The following SORCS2 variants were observed in gnomAD, a reference collection of about 807,000 sequenced individuals.
The protein encoded by SORCS2 is VPS10 domain-containing receptor SorCS2.
In SORCS2, 100 loss-of-function variants were observed where a neutral mutation model predicts 141.6. That is an observed-to-expected ratio of 0.71 (90% CI 0.60 to 0.83). The LOEUF (loss-of-function observed/expected upper bound fraction) is 0.83, where lower values mean the gene tolerates loss of function less well. Ranked by LOEUF, SORCS2 falls within the 40% of genes least tolerant of loss-of-function variation. The probability of loss-of-function intolerance (pLI) is 0.00; values close to 1 mark genes in which losing one functional copy is unlikely to be tolerated. For missense variants in SORCS2, 1,646 were observed against 1,560.2 expected (o/e 1.05, Z -0.93); for synonymous variants, 789 against 676.9 (o/e 1.17, Z -2.57).
In SORCS2 at chr4:7,394,182, G is replaced by A. The variant is rs897183051; in HGVS notation, c.481-2106G>A. Among the ~76,000 whole-genome samples, 5 of 152,208 alleles carry A rather than the reference G, an allele frequency of 3.3e-5. No homozygotes were observed. The South Asian group carries it at 1.0e-3, about 32-fold the overall frequency. ...GGAAGGAGTGCGGTGGTGGTGGGGA[G>A]GTGGGCACTGGCCTCTGCCCGACTT... is the stretch of plus-strand genomic sequence containing the variant. On this transcript the variant is annotated intron_variant, in intron 1 of 26. Coordinates refer to ENST00000507866, the MANE Select transcript of SORCS2 (RefSeq NM_020777.3).
At chr4:7,244,925 C>T (rs1372079076) in intron 1 of SORCS2, among the ~76,000 whole-genome samples, 1 of 152,204 alleles carries the variant, frequency 6.6e-6, no homozygotes, top group African/African-American at 2.4e-5. Context: ...CCCGCCGCCC[C>T]TTCCTTGGCC....
chr4:7,740,398 C>T lies in SORCS2; in HGVS notation c.*134C>T. 2 of 774,072 alleles carry T rather than the reference C, an allele frequency of 2.6e-6. No homozygotes were observed. Among genetic ancestry groups the T allele is most frequent in the East Asian group, 2.7e-5 (1 of 36,886 alleles). 48.0% of individuals were successfully genotyped at this position (774,072 alleles called of 1,614,324 possible). A position where few individuals can be genotyped will look rare whatever the true frequency, so the allele number is the denominator to read the frequency against. On this transcript the variant is annotated 3_prime_UTR_variant, in exon 27 of 27. Transcript: ENST00000507866. ...TCGTCGCCACACCAGGCGACAGGCA[C>T]CACCCCCTCTGATAAATCCAAGCCC...
intron 3 of SORCS2, among the ~76,000 whole-genome samples, chr4:7,629,825 C>G (rs1206289869): frequency 6.6e-6 from 1 of 152,110 alleles, no homozygotes; most frequent in Non-Finnish European, 1.5e-5. Context: ...TCAGCTTCAT[C>G]TCCCCCAAAC....
chr4:7,736,377 G>A (rs868150029), intron 25 of SORCS2, among the ~76,000 whole-genome samples: 1 of 152,200 alleles, frequency 6.6e-6, no homozygotes, highest in Non-Finnish European at 1.5e-5. Context: ...ACCCCATCCT[G>A]CCGTTAAAAT....
At position 7,646,081 on chromosome 4, in the gene SORCS2, C is replaced by T. The variant is rs182401280; in HGVS notation, c.813+7589C>T. Among the ~76,000 whole-genome samples the T allele has an allele frequency of 1.7e-3, 255 of 152,374 alleles. 1 individual carries two copies. The highest frequency in any genetic ancestry group is 3.1e-3 in the Admixed American group (47 of 15,312). On this transcript the variant is annotated intron_variant, in intron 4 of 26. Transcript: ENST00000507866. ...TTGCGCACCCGGCAGCCACGGATTC[C>T]GGGCTACCGCTGGTGCCGCAGGTGA... is the stretch of plus-strand genomic sequence containing the variant.
At chr4:7,215,275 C>T (rs1728268958) in intron 1 of SORCS2, among the ~76,000 whole-genome samples, 1 of 152,228 alleles carries the variant, frequency 6.6e-6, no homozygotes, top group Non-Finnish European at 1.5e-5. Context: ...GCACCCGGGC[C>T]AGCGGCTGTG....
intron 1 of SORCS2, among the ~76,000 whole-genome samples, chr4:7,223,409 G>C (rs976385691): frequency 1.3e-5 from 2 of 152,140 alleles, no homozygotes; most frequent in Non-Finnish European, 2.9e-5. Context: ...GGAAAGGACA[G>C]GTGGCCACAC....
At chr4:7,537,033 G>T (rs1712188990) in intron 3 of SORCS2, among the ~76,000 whole-genome samples, 1 of 152,188 alleles carries the variant, frequency 6.6e-6, no homozygotes, top group Admixed American at 6.5e-5. Flanking sequence ...CATGCTCCGG[G>T]CTCCTGAGGC....
intron 8 of SORCS2, among the ~76,000 whole-genome samples, chr4:7,673,130 A>G (rs1449255975): frequency 6.6e-6 from 1 of 152,228 alleles, no homozygotes; most frequent in Admixed American, 6.5e-5. Flanking sequence ...ATTGCCTGTT[A>G]TTTATAACTC....
At chr4:7,337,886 C>T (rs1447742406) in intron 1 of SORCS2, among the ~76,000 whole-genome samples, 2 of 152,190 alleles carry the variant, frequency 1.3e-5, no homozygotes, top group African/African-American at 2.4e-5. Flanking sequence ...CATGCTCCCA[C>T]ATGCTGCCCC....
At position 7,306,968 on chromosome 4, in the gene SORCS2, G is replaced by A. The variant is rs544396772; in HGVS notation, c.481-89320G>A. Reference sequence around the variant, plus strand: ...TTGACAAAGAAGGGTCTCCCCTGCCGTGTGTCCCGGAGCTGATTCGGTGCC... The same window carrying A: ...TTGACAAAGAAGGGTCTCCCCTGCCATGTGTCCCGGAGCTGATTCGGTGCC... On this transcript the variant is annotated intron_variant, in intron 1 of 26. Transcript: ENST00000507866. 5.3e-5 allele frequency among the ~76,000 whole-genome samples: 8 copies of A among 152,212 alleles called. 1 individual carries two copies. The South Asian group carries it at 1.0e-3, about 20-fold the overall frequency.
intron 2 of SORCS2, among the ~76,000 whole-genome samples, chr4:7,500,719 G>A (rs559626327): frequency 1.3e-5 from 2 of 152,140 alleles, no homozygotes; most frequent in Admixed American, 6.5e-5. Flanking sequence ...TACATCGCAC[G>A]TCGTCCAAGA....
intron 2 of SORCS2, among the ~76,000 whole-genome samples, chr4:7,478,543 C>T (rs1231547526): frequency 1.3e-5 from 2 of 152,150 alleles, no homozygotes; most frequent in Non-Finnish European, 2.9e-5. Context: ...TCATGTTCTC[C>T]GCTGAGTCTC....
chr4:7,382,481 C>T (rs909779323), intron 1 of SORCS2, among the ~76,000 whole-genome samples: 16 of 152,160 alleles, frequency 1.1e-4, no homozygotes, highest in Non-Finnish European at 1.5e-5. Flanking sequence ...GAGTTTGAAG[C>T]TGATTGCCAG....
At chr4:7,496,448 C>CCTGTTCT in intron 2 of SORCS2, among the ~76,000 whole-genome samples, 1 of 73,052 alleles carries the variant, frequency 1.4e-5, no homozygotes, top group South Asian at 6.7e-4. Flanking sequence ...CCACTCCCCA[C>CCTGTTCT]CCGTTCCCCG....
intron 1 of SORCS2, among the ~76,000 whole-genome samples, chr4:7,344,143 C>T (rs1466156991): frequency 1.7e-4 from 26 of 152,216 alleles, no homozygotes; most frequent in Admixed American, 1.7e-3. Context: ...TAGAGGTGCA[C>T]GTGTCTGCTG....
rs1011663150 is a variant in SORCS2 at position 7,628,556 on chromosome 4, A to C, written c.649-9772A>C. ...AAAGCTAGAAGTGAGAGTTAAATAT[A>C]TCCCATCAGCATGTTCAGCAGCACT... On this transcript the variant is annotated intron_variant, in intron 3 of 26. Transcript: ENST00000507866. Among the ~76,000 whole-genome samples the C allele has an allele frequency of 3.3e-5, 5 of 151,408 alleles. 1 individual carries two copies. The highest frequency in any genetic ancestry group is 3.2e-3 in the Middle Eastern group (1 of 312).
At chr4:7,351,709 C>CTAT (rs148794358) in intron 1 of SORCS2, among the ~76,000 whole-genome samples, 1 of 151,268 alleles carries the variant, frequency 6.6e-6, no homozygotes, top group African/African-American at 2.4e-5. Flanking sequence ...ATCCATCCAT[C>CTAT]CTTCTACCCA....
At chr4:7,320,449 T>C (rs1718827169) in intron 1 of SORCS2, among the ~76,000 whole-genome samples, 1 of 152,254 alleles carries the variant, frequency 6.6e-6, no homozygotes, top group African/African-American at 2.4e-5. Context: ...TTTTCTTACA[T>C]CCACCTGGAG....
Sources: gnomAD v4.1 joint callset for allele counts (sites outside exome capture counted in the v4.1 genomes callset) on GRCh38, gnomAD v4.1.1 for gene constraint, MANE v1.5 for transcripts, NCBI Gene and HGNC (gene_info 2026-07-23, HGNC 2026-07-21) for gene names.